RP1: variants seen among roughly 807,000 people sequenced by gnomAD.
The protein encoded by RP1 is oxygen-regulated protein 1.
Under a neutral mutation model 14.8 loss-of-function variants are expected in RP1, and 16 were observed. That is an observed-to-expected ratio of 1.08 (90% CI 0.73 to 1.65). The LOEUF is 1.65. Among genes scored for constraint, RP1 ranks in the 40% most tolerant of loss-of-function variants. The pLI is 0.00. For synonymous variants in RP1, 876 were observed against 883.6 expected (o/e 0.99, Z 0.15); for missense variants, 2,631 against 2,535.0 (o/e 1.04, Z -0.81).
intron 28 of RP1, among the ~76,000 whole-genome samples, chr8:54,866,498 G>T (rs2129330138): frequency 6.6e-6 from 1 of 152,294 alleles, no homozygotes; most frequent in South Asian, 2.1e-4. Context: ...TTATGAGAAT[G>T]ATTAAATCTT....
chr8:54,869,927 G>A (rs1357066045), exon 29 of RP1: 1 of 1,230,724 alleles, frequency 8.1e-7, no homozygotes, highest in East Asian at 3.2e-5. Context: ...GAGAGACTGG[G>A]TCTACCATCT....
chr8:54,847,724 T>C (rs1304165199), intron 25 of RP1, among the ~76,000 whole-genome samples: 2 of 152,260 alleles, frequency 1.3e-5, no homozygotes, highest in Non-Finnish European at 1.5e-5. Flanking sequence ...AACCTGCTGC[T>C]ATTCATTAAG....
intron 25 of RP1, among the ~76,000 whole-genome samples, chr8:54,839,102 T>C (rs901481878): frequency 6.6e-6 from 1 of 152,222 alleles, no homozygotes; most frequent in Admixed American, 6.5e-5. Context: ...CCAGCCTAGT[T>C]CTTTGACTGT....
chr8:54,804,144 G>C (rs551918707), intron 24 of RP1, among the ~76,000 whole-genome samples: 1 of 16,642 alleles, frequency 6.0e-5, no homozygotes, highest in African/African-American at 3.9e-4. Context: ...TTACATATGT[G>C]GGGGGGGGCT....
chr8:54,847,154 G>A (rs916212135), intron 25 of RP1, among the ~76,000 whole-genome samples: 1 of 152,120 alleles, frequency 6.6e-6, no homozygotes, highest in Admixed American at 6.5e-5. Context: ...ACAGAGGGGA[G>A]GGAGGGAGAT....
chr8:54,814,957 C>T (rs931562627), intron 24 of RP1, among the ~76,000 whole-genome samples: 4 of 152,146 alleles, frequency 2.6e-5, no homozygotes, highest in Non-Finnish European at 5.9e-5. Context: ...TGCAGTGAGC[C>T]GAGATTGCAC....
At chr8:54,766,509 C>G (rs1286422070) in intron 22 of RP1, among the ~76,000 whole-genome samples, 4 of 152,066 alleles carry the variant, frequency 2.6e-5, no homozygotes, top group Admixed American at 2.0e-4. Flanking sequence ...GGGAAACTGA[C>G]AGAATGAGGT....
At chr8:54,838,699 CTGTG>C (rs1328277551) in intron 25 of RP1, among the ~76,000 whole-genome samples, 3 of 151,970 alleles carry the variant, frequency 2.0e-5, no homozygotes, top group African/African-American at 4.8e-5. Flanking sequence ...GTGAAAAAGT[CTGTG>C]TGTATGAGTG....
intron 1 of RP1, among the ~76,000 whole-genome samples, chr8:54,608,069 A>T (rs1017701697): frequency 4.0e-5 from 6 of 150,600 alleles, no homozygotes; most frequent in African/African-American, 1.5e-4. Flanking sequence ...ACTGTCTGAC[A>T]CTCCCCAGTG....
At chr8:54,652,915 T>C (rs1806686126) in intron 5 of RP1, 1 of 1,310,522 alleles carries the variant, frequency 7.6e-7, no homozygotes, top group East Asian at 2.5e-5. Flanking sequence ...CCTCTGCATA[T>C]TCCTCTCAGG....
chr8:54,725,826 A>G (rs1808641758), intron 16 of RP1, among the ~76,000 whole-genome samples: 1 of 152,222 alleles, frequency 6.6e-6, no homozygotes, highest in Non-Finnish European at 1.5e-5. Flanking sequence ...TGAAGTCATT[A>G]TTTAACTTAG....
At chr8:54,795,160 CATT>C (rs1810551359) in intron 24 of RP1, among the ~76,000 whole-genome samples, 2 of 151,902 alleles carry the variant, frequency 1.3e-5, no homozygotes, top group South Asian at 4.1e-4. Context: ...TCGGTACAGA[CATT>C]ATGGAAAACA....
At chr8:54,784,494 T>G (rs917273312) in intron 24 of RP1, among the ~76,000 whole-genome samples, 1 of 151,680 alleles carries the variant, frequency 6.6e-6, no homozygotes, top group Non-Finnish European at 1.5e-5. Context: ...TTTCAAGTTT[T>G]TACTATTATA....
chr8:54,682,308 G>A (rs1444450197), intron 12 of RP1, among the ~76,000 whole-genome samples: 1 of 151,300 alleles, frequency 6.6e-6, no homozygotes, highest in Non-Finnish European at 1.5e-5. Context: ...TGTTACATAG[G>A]TATACATGTG....
intron 1 of RP1, among the ~76,000 whole-genome samples, chr8:54,607,131 A>T (rs1213638168): frequency 6.6e-6 from 1 of 151,806 alleles, no homozygotes; most frequent in African/African-American, 2.4e-5. Context: ...TGATTTTTAG[A>T]GTTTCCAGTT....
At chr8:54,563,821 T>C (rs1804341790) in intron 1 of RP1, among the ~76,000 whole-genome samples, 1 of 152,138 alleles carries the variant, frequency 6.6e-6, no homozygotes, top group Non-Finnish European at 1.5e-5. Flanking sequence ...AGTGTTGGGA[T>C]TATAGACATG....
chr8:54,673,348 G>T (rs1807221068), intron 7 of RP1, among the ~76,000 whole-genome samples: 2 of 152,060 alleles, frequency 1.3e-5, no homozygotes, highest in South Asian at 4.1e-4. Flanking sequence ...GACTTTATCG[G>T]AAGTATTCTG....
At chr8:54,680,814 C>T (rs1386730948) in intron 12 of RP1, among the ~76,000 whole-genome samples, 6 of 151,908 alleles carry the variant, frequency 3.9e-5, no homozygotes, top group African/African-American at 7.2e-5. Flanking sequence ...AAAAATTAGC[C>T]GGGCGTGGTG....
In RP1 at chr8:54,710,661, G is replaced by A. The variant is rs186903848; in HGVS notation, c.2211+4006G>A. 1.6e-4 allele frequency among the ~76,000 whole-genome samples: 24 copies of A among 152,298 alleles called. 1 individual carries two copies. Among genetic ancestry groups the A allele is most frequent in the African/African-American group, 4.3e-4 (18 of 41,580 alleles). ...TTGAGCAATGAAAGTCGCTGTCAGC[G>A]GAGAGGGGAGCTGGAAAAAGGATGG... On this transcript the variant is annotated intron_variant, in intron 15 of 22. Transcript: ENST00000636932.
Sources: gnomAD v4.1 joint callset for allele counts (sites outside exome capture counted in the v4.1 genomes callset) on GRCh38, gnomAD v4.1.1 for gene constraint, MANE v1.5 for transcripts, NCBI Gene and HGNC (gene_info 2026-07-23, HGNC 2026-07-21) for gene names.